Variants in PCDH15 observed in about 807,000 individuals in gnomAD.
The protein encoded by PCDH15 is protocadherin-15.
In PCDH15, 129 loss-of-function variants were observed where a neutral mutation model predicts 178.5. The observed-to-expected ratio is 0.72, with a 90% CI of 0.63 to 0.84. The LOEUF is 0.84. Among genes scored for constraint, PCDH15 ranks in the 40% least tolerant of loss-of-function variants. The pLI is 0.00. For synonymous variants in PCDH15, 800 were observed against 732.0 expected (o/e 1.09, Z -1.50); for missense variants, 2,230 against 2,099.9 (o/e 1.06, Z -1.21).
intron 2 of PCDH15, among the ~76,000 whole-genome samples, chr10:55,068,480 C>A (rs777695042): frequency 2.0e-5 from 3 of 152,038 alleles, no homozygotes; most frequent in Non-Finnish European, 2.9e-5. Flanking sequence ...ATGCCATGCT[C>A]TTTTGTTCAC....
chr10:53,911,728 C>T (rs1262401783), intron 25 of PCDH15, among the ~76,000 whole-genome samples: 2 of 152,074 alleles, frequency 1.3e-5, no homozygotes, highest in Non-Finnish European at 2.9e-5. Flanking sequence ...CTTGCACCAT[C>T]ACAAGACTAA....
At chr10:54,526,108 C>T (rs970098835) in intron 3 of PCDH15, among the ~76,000 whole-genome samples, 1 of 152,166 alleles carries the variant, frequency 6.6e-6, no homozygotes. Context: ...CTTTTACCAC[C>T]TGCTACTGTA....
At chr10:54,459,107 C>G (rs752670193) in intron 3 of PCDH15, among the ~76,000 whole-genome samples, 2 of 151,656 alleles carry the variant, frequency 1.3e-5, no homozygotes, top group African/African-American at 2.4e-5. Context: ...GCTAAAATGA[C>G]AGAGAGAGAG....
chr10:55,134,613 T>G (rs1838140441), intron 2 of PCDH15, among the ~76,000 whole-genome samples: 1 of 152,224 alleles, frequency 6.6e-6, no homozygotes, highest in African/African-American at 2.4e-5. Flanking sequence ...CAATTTTATC[T>G]TCTGGTTTTT....
intron 19 of PCDH15, among the ~76,000 whole-genome samples, chr10:54,022,591 G>T (rs780429816): frequency 6.6e-6 from 1 of 151,986 alleles, no homozygotes; most frequent in Non-Finnish European, 1.5e-5. Context: ...CTATTGTATT[G>T]TCAACTGTTG....
At chr10:54,429,902 A>G (rs2135980879) in intron 3 of PCDH15, among the ~76,000 whole-genome samples, 1 of 152,260 alleles carries the variant, frequency 6.6e-6, no homozygotes, top group African/African-American at 2.4e-5. Flanking sequence ...AGACTTCAAC[A>G]CCCTACTTTC....
chr10:54,436,584 T>C (rs1243761842), intron 3 of PCDH15, among the ~76,000 whole-genome samples: 4 of 152,160 alleles, frequency 2.6e-5, no homozygotes, highest in African/African-American at 9.7e-5. Context: ...TTCATTAAAT[T>C]TTCAAGCACA....
At chr10:54,116,033 A>C (rs1175134035) in intron 15 of PCDH15, among the ~76,000 whole-genome samples, 1 of 152,158 alleles carries the variant, frequency 6.6e-6, no homozygotes, top group Non-Finnish European at 1.5e-5. Context: ...TTTAAAAGTC[A>C]GGGAAGTTAA....
intron 21 of PCDH15, among the ~76,000 whole-genome samples, chr10:53,975,857 A>G (rs2090141921): frequency 6.6e-6 from 1 of 152,152 alleles, no homozygotes; most frequent in African/African-American, 2.4e-5. Flanking sequence ...AGCAATGTCT[A>G]GAATGATATT....
chr10:55,602,662 C>T (rs1249917191), intron 2 of PCDH15, among the ~76,000 whole-genome samples: 2 of 151,880 alleles, frequency 1.3e-5, no homozygotes, highest in Non-Finnish European at 2.9e-5. Context: ...CTCCAACAGA[C>T]CTGCAGCTGA....
intron 3 of PCDH15, among the ~76,000 whole-genome samples, chr10:54,440,799 A>C (rs1393550971): frequency 6.6e-6 from 1 of 151,960 alleles, no homozygotes; most frequent in Non-Finnish European, 1.5e-5. Flanking sequence ...TCTATGTCGG[A>C]AGTAAAATAA....
intron 26 of PCDH15, among the ~76,000 whole-genome samples, chr10:53,871,830 C>T (rs1256482271): frequency 7.9e-5 from 12 of 151,688 alleles, no homozygotes; most frequent in Admixed American, 5.3e-4. Flanking sequence ...CTTGGCTCAC[C>T]GCAACCTCCA....
chr10:55,607,752 G>T, intron 2 of PCDH15, among the ~76,000 whole-genome samples: 1 of 116,156 alleles, frequency 8.6e-6, no homozygotes. Flanking sequence ...CTGTTGTGGG[G>T]TGGGGGGAGG....
intron 3 of PCDH15, among the ~76,000 whole-genome samples, chr10:54,384,167 G>C (rs575489352): frequency 6.6e-6 from 1 of 152,016 alleles, no homozygotes; most frequent in East Asian, 1.9e-4. Context: ...GTGAAAGATT[G>C]ATTTGAAAAG....
intron 2 of PCDH15, among the ~76,000 whole-genome samples, chr10:54,999,763 T>A (rs1409657463): frequency 6.6e-6 from 1 of 152,212 alleles, no homozygotes; most frequent in Admixed American, 6.5e-5. Flanking sequence ...GTAGGTTCTT[T>A]TCTATATTCC....
At chr10:54,436,929 C>T (rs536787742) in intron 3 of PCDH15, among the ~76,000 whole-genome samples, 25 of 152,234 alleles carry the variant, frequency 1.6e-4, no homozygotes, top group African/African-American at 5.8e-4. Flanking sequence ...CTGGTTTGCA[C>T]TAGACTTGGG....
chr10:55,408,073 C>G (rs915569587), intron 2 of PCDH15, among the ~76,000 whole-genome samples: 33 of 152,070 alleles, frequency 2.2e-4, no homozygotes, highest in Non-Finnish European at 7.4e-5. Context: ...ATCACAGAAC[C>G]CAATGATTTT....
At chr10:54,350,404 A>G (rs1943984001) in intron 5 of PCDH15, among the ~76,000 whole-genome samples, 1 of 152,200 alleles carries the variant, frequency 6.6e-6, no homozygotes, top group Non-Finnish European at 1.5e-5. Flanking sequence ...AGATTGTGCA[A>G]GCATGTACAA....
chr10:54,950,308 A>G (rs1243883642), intron 2 of PCDH15, among the ~76,000 whole-genome samples: 1 of 151,958 alleles, frequency 6.6e-6, no homozygotes, highest in Non-Finnish European at 1.5e-5. Flanking sequence ...GTCTCCACCC[A>G]AATCTCATCT....
Sources: gnomAD v4.1 joint callset for allele counts (sites outside exome capture counted in the v4.1 genomes callset) on GRCh38, gnomAD v4.1.1 for gene constraint, MANE v1.5 for transcripts, NCBI Gene and HGNC (gene_info 2026-07-23, HGNC 2026-07-21) for gene names.